The following CEP295 variants were observed in gnomAD, a reference collection of about 807,000 sequenced individuals.
CEP295 encodes the protein centrosomal protein 295.
A neutral mutation model predicts 291.6 loss-of-function variants in CEP295; 190 were observed. That is an observed-to-expected ratio of 0.65 (90% CI 0.58 to 0.73). The LOEUF (loss-of-function observed/expected upper bound fraction) is 0.73, where lower values mean the gene tolerates loss of function less well. CEP295 is among the 30% of genes least tolerant of loss of function. CEP295 has a pLI of 0.00. For synonymous variants in CEP295, 993 were observed against 1,038.8 expected (o/e 0.96, Z 0.85); for missense variants, 2,863 against 2,949.4 (o/e 0.97, Z 0.68).
At chr11:93,677,181 C>T (rs1343601603) in intron 6 of CEP295, among the ~76,000 whole-genome samples, 1 of 152,136 alleles carries the variant, frequency 6.6e-6, no homozygotes, top group East Asian at 1.9e-4. Context: ...TTCATCTGCA[C>T]TCAACTTATA....
At chr11:93,707,544 A>G (rs887418734) in intron 18 of CEP295, among the ~76,000 whole-genome samples, 7 of 152,142 alleles carry the variant, frequency 4.6e-5, no homozygotes, top group African/African-American at 1.4e-4. Context: ...CTGGCAGATC[A>G]TGAGGTCAGA....
chr11:93,666,397 C>T (rs1308729631), intron 1 of CEP295, among the ~76,000 whole-genome samples: 1 of 152,078 alleles, frequency 6.6e-6, no homozygotes, highest in Non-Finnish European at 1.5e-5. Flanking sequence ...AGTTCGAGAC[C>T]AGCCTGGCCA....
intron 15 of CEP295, among the ~76,000 whole-genome samples, chr11:93,701,517 A>G (rs1306506303): frequency 6.6e-6 from 1 of 152,226 alleles, no homozygotes; most frequent in East Asian, 1.9e-4. Flanking sequence ...AAGTAATGGC[A>G]AAAGAAAAGC....
chr11:93,662,796 C>T (rs1950046393), intron 1 of CEP295, among the ~76,000 whole-genome samples: 1 of 152,186 alleles, frequency 6.6e-6, no homozygotes, highest in South Asian at 2.1e-4. Context: ...TCTACTCTGT[C>T]TTCATGAGAT....
intron 14 of CEP295, 120 bp downstream of exon 14, chr11:93,696,537 A>G (rs1160497105): frequency 9.8e-7 from 1 of 1,020,314 alleles, no homozygotes; most frequent in African/African-American, 1.6e-5. Flanking sequence ...TAGAACTGCC[A>G]TTCTTAAAGG....
chr11:93,671,101 T>C (rs1412859739), intron 5 of CEP295, among the ~76,000 whole-genome samples: 2 of 152,178 alleles, frequency 1.3e-5, no homozygotes, highest in African/African-American at 4.8e-5. Context: ...CAGGCTGGTC[T>C]CGAACTCCTG....
rs774223673 is a variant in CEP295, at chr11:93,695,320, C to A, written c.1534-177C>A. 5.3e-5 allele frequency among the ~76,000 whole-genome samples: 8 copies of A among 152,106 alleles called. No homozygotes were observed. The highest frequency in any genetic ancestry group is 1.0e-4 in the Non-Finnish European group (7 of 68,024). On this transcript the variant is annotated intron_variant, in intron 12 of 29. Coordinates refer to ENST00000325212, the MANE Select transcript of CEP295 (RefSeq NM_033395.2). ...TTTTTCTCTTTTTCCCATTTCCCAT[C>A]TTTTACTCCCATCCTCAGTCTGTCA...
chr11:93,686,560 A>T (rs1480433965), intron 9 of CEP295, among the ~76,000 whole-genome samples: 1 of 152,174 alleles, frequency 6.6e-6, no homozygotes, highest in African/African-American at 2.4e-5. Context: ...TTGGCAATGA[A>T]TTTACTTCTT....
chr11:93,681,673 C>T (rs920099598), intron 7 of CEP295, among the ~76,000 whole-genome samples: 4 of 151,846 alleles, frequency 2.6e-5, no homozygotes, highest in Non-Finnish European at 5.9e-5. Flanking sequence ...CTCAGCCTCC[C>T]AAATTGCTGG....
At chr11:93,728,885 AACT>A (rs1937832625) in intron 25 of CEP295, 64 bp downstream of exon 25, 1 of 1,394,316 alleles carries the variant, frequency 7.2e-7, no homozygotes, top group Admixed American at 2.4e-5. Context: ...TGTCTCTTAC[AACT>A]TATCAGAAGG....
At chr11:93,708,867 GT>G (rs537296289) in intron 18 of CEP295, among the ~76,000 whole-genome samples, 197 of 152,254 alleles carry the variant, frequency 1.3e-3, no homozygotes, top group African/African-American at 4.4e-3. Context: ...TCTCAAAGTA[GT>G]TTTGATTAGC....
intron 3 of CEP295, 124 bp from the exon 4 acceptor site, chr11:93,668,683 TG>T: frequency 1.5e-6 from 1 of 682,164 alleles, no homozygotes; most frequent in East Asian, 3.0e-5. Context: ...TGTCATGCTC[TG>T]GGAAACACTG....
chr11:93,670,917 C>G (rs1950414946), intron 5 of CEP295, among the ~76,000 whole-genome samples: 1 of 152,156 alleles, frequency 6.6e-6, no homozygotes, highest in Admixed American at 6.5e-5. Context: ...GAGTCTTGCT[C>G]TGTCACCCAG....
At chr11:93,683,277 A>G (rs994410590) in intron 7 of CEP295, among the ~76,000 whole-genome samples, 1 of 152,178 alleles carries the variant, frequency 6.6e-6, no homozygotes, top group Non-Finnish European at 1.5e-5. Flanking sequence ...TTTATGGCCT[A>G]ACCAGTACCA....
chr11:93,703,926 G>A (rs535103890), intron 17 of CEP295, among the ~76,000 whole-genome samples: 38 of 151,950 alleles, frequency 2.5e-4, no homozygotes, highest in African/African-American at 9.2e-4. Context: ...CCGCCACCAA[G>A]CCCAGCTAAT....
Position 93,698,636 on chromosome 11 carries a change from A to G in CEP295, c.3724A>G (p.Arg1242Gly). The G allele has an allele frequency of 6.4e-7, 1 of 1,551,158 alleles. No individual in the cohort carries two copies. The highest frequency in any genetic ancestry group is 8.7e-7 in the Non-Finnish European group (1 of 1,147,122). Residue 1242 changes from arginine (R) to glycine (G), a missense_variant, in exon 15 of 30, where the codon AGA (arginine) becomes GGA (glycine). By Grantham distance (125) the Arg-to-Gly change is moderately radical. Transcript: ENST00000325212. ...SHPKIPRCQE[R>G]LLRVSQHMLP... is the part of the protein sequence containing the mutation. ...TCCTAAGATCCCAAGATGTCAGGAA[A>G]GACTTTTGAGAGTTTCACAACATAT...
chr11:93,701,933 A>G (rs1794714977), intron 15 of CEP295, among the ~76,000 whole-genome samples: 1 of 150,266 alleles, frequency 6.7e-6, no homozygotes, highest in South Asian at 2.1e-4. Flanking sequence ...AAGGCTGTGA[A>G]TGGTTGTTGT....
intron 1 of CEP295, among the ~76,000 whole-genome samples, chr11:93,665,944 T>C (rs78934222): frequency 0.094 from 14,324 of 152,256 alleles, 718 homozygotes; most frequent in African/African-American, 0.12. Context: ...TTGCTAGTTA[T>C]GAACAAGTTA....
intron 17 of CEP295, among the ~76,000 whole-genome samples, chr11:93,706,020 C>G (rs1037592567): frequency 3.3e-5 from 5 of 152,160 alleles, no homozygotes; most frequent in Non-Finnish European, 7.4e-5. Context: ...TCTGTCACCC[C>G]CTTCCACTCT....
Sources: allele counts gnomAD v4.1 joint callset (sites outside exome capture counted in the v4.1 genomes callset), GRCh38; gene constraint gnomAD v4.1.1; transcripts MANE v1.5; gene names NCBI Gene and HGNC (gene_info 2026-07-23, HGNC 2026-07-21).